COL9A1: variants seen among roughly 807,000 people sequenced by gnomAD.
COL9A1 encodes collagen type IX alpha 1 chain.
A neutral mutation model predicts 142.6 loss-of-function variants in COL9A1; 104 were observed. The observed-to-expected ratio is 0.73, with a 90% CI of 0.62 to 0.86. COL9A1 has a LOEUF of 0.86. COL9A1 is among the 40% of genes least tolerant of loss of function. The pLI is 0.00. For synonymous variants in COL9A1, 466 were observed against 396.0 expected (o/e 1.18, Z -2.10); for missense variants, 1,210 against 1,176.6 (o/e 1.03, Z -0.42).
intron 20 of COL9A1, among the ~76,000 whole-genome samples, chr6:70,259,217 A>T (rs1182298174): frequency 3.3e-5 from 5 of 152,226 alleles, no homozygotes; most frequent in African/African-American, 1.2e-4. Flanking sequence ...TTTTAAAAAG[A>T]AAAATTTAAT....
chr6:70,241,519 CT>C (rs1770259341), intron 30 of COL9A1, 65 bp from the exon 31 acceptor site: 1 of 1,369,262 alleles, frequency 7.3e-7, no homozygotes, highest in African/African-American at 1.4e-5. Context: ...TCAAGTGAAC[CT>C]TATTGGGTGG....
chr6:70,261,387 T>C (rs2025995), intron 19 of COL9A1, among the ~76,000 whole-genome samples: 1 of 151,930 alleles, frequency 6.6e-6, no homozygotes, highest in East Asian at 1.9e-4. Context: ...GCCCCCATAC[T>C]AGGAGGGATC....
In COL9A1 at chr6:70,274,082, C is replaced by G; in HGVS notation, c.1030G>C (p.Gly344Arg). 1 of 1,587,036 alleles carries G rather than the reference C, an allele frequency of 6.3e-7. No individual in the cohort carries two copies. Among genetic ancestry groups the G allele is most frequent in the Non-Finnish European group, 8.6e-7 (1 of 1,164,642 alleles). ...PGSIGSKGQK[G>R]EPGVPGSRGF... The stretch of plus-strand genomic sequence containing the variant: ...CGCGATCCAGGCACACCAGGTTCTC[C>G]CTAAAAATAAAAATAGTTTCATTGT... The change falls in exon 12 of 38, where the codon GGA becomes CGA. Residue 344 changes from glycine (G) to arginine (R), a missense_variant and splice_region_variant. Physicochemically the swap from Gly to Arg is moderately radical, Grantham distance 125. Transcript: ENST00000357250.
intron 15 of COL9A1, 48 bp downstream of exon 15, chr6:70,270,266 A>G: frequency 6.4e-7 from 1 of 1,574,304 alleles, no homozygotes; most frequent in Non-Finnish European, 8.7e-7. Context: ...ATTTTTTTCA[A>G]CCCTGACTCT....
intron 29 of COL9A1, among the ~76,000 whole-genome samples, chr6:70,242,414 G>C (rs772622857): frequency 6.6e-6 from 1 of 152,064 alleles, no homozygotes; most frequent in Non-Finnish European, 1.5e-5. Context: ...AGAACAACCA[G>C]AGGCCAAATG....
chr6:70,237,749 CA>C (rs1554234766), intron 33 of COL9A1, among the ~76,000 whole-genome samples: 1 of 152,166 alleles, frequency 6.6e-6, no homozygotes, highest in Non-Finnish European at 1.5e-5. Flanking sequence ...AATTCTTAGG[CA>C]TAAAAATGTT....
chr6:70,268,182 A>G (rs574610440), intron 17 of COL9A1, among the ~76,000 whole-genome samples: 3 of 150,598 alleles, frequency 2.0e-5, no homozygotes, highest in South Asian at 4.2e-4. Context: ...ACCCCCTCCA[A>G]CTGCCCCCAC....
intron 15 of COL9A1, 145 bp downstream of exon 15, chr6:70,270,169 C>G: frequency 1.3e-6 from 1 of 746,214 alleles, no homozygotes; most frequent in Non-Finnish European, 2.4e-6. Flanking sequence ...CAGAACCATG[C>G]CCTTGAGTGC....
intron 20 of COL9A1, among the ~76,000 whole-genome samples, chr6:70,259,123 C>A (rs552359385): frequency 1.8e-4 from 27 of 152,038 alleles, no homozygotes; most frequent in African/African-American, 5.3e-4. Context: ...CTAGAAGTGA[C>A]AAACAGCCTG....
Position 70,254,982 on chromosome 6 carries a change from G to A in COL9A1, c.1646C>T (p.Pro549Leu), listed in dbSNP as rs761923424. 6 of 1,614,092 alleles carry A rather than the reference G, an allele frequency of 3.7e-6. No homozygotes were observed. Among genetic ancestry groups the A allele is most frequent in the Non-Finnish European group, 4.2e-6 (5 of 1,179,996 alleles). ...LPGVDGRDGI[P>L]GMPGTKGEPG... ...GCCTACCTTTGTTCCAGGCATTCCA[G>A]GGATCCCATCACGGCCATCCACACC... Residue 549 changes from proline (P) to leucine (L), a missense_variant, in exon 24 of 38, where the codon CCT (proline) becomes CTT (leucine). By Grantham distance (98) the Pro-to-Leu change is moderately conservative. Coordinates refer to ENST00000357250, the MANE Select transcript of COL9A1 (RefSeq NM_001851.6).
intron 37 of COL9A1, among the ~76,000 whole-genome samples, chr6:70,220,139 GTCATCA>G (rs147934773): frequency 3.6e-4 from 54 of 151,106 alleles, no homozygotes; most frequent in African/African-American, 1.3e-3. Flanking sequence ...TTTTGATGAT[GTCATCA>G]TCATCATCAT....
At chr6:70,291,405 A>G (rs1274891481) in intron 5 of COL9A1, among the ~76,000 whole-genome samples, 2 of 152,000 alleles carry the variant, frequency 1.3e-5, no homozygotes, top group Non-Finnish European at 1.5e-5. Flanking sequence ...CCCCACTCTC[A>G]TGCCTCCCTG....
chr6:70,216,631 A>G lies in COL9A1; in HGVS notation c.*266T>C, dbSNP rs1064250. On this transcript the variant is annotated 3_prime_UTR_variant, in exon 38 of 38. Coordinates refer to ENST00000357250, the MANE Select transcript of COL9A1 (RefSeq NM_001851.6). ...ATCCTGGGAACAGGAGTATAAATTT[A>G]TTCAAGGGAGGTGTTTGGTTTTCTT... The G allele has an allele frequency of 0.39, 188,587 of 483,742 alleles. 38,744 individuals are homozygous for G. Among genetic ancestry groups the G allele is most frequent in the Middle Eastern group, 0.49 (828 of 1,702 alleles). The allele number at this position is 483,742 out of a possible 1,614,324, so 30.0% of individuals were successfully genotyped here. A position where few individuals can be genotyped will look rare whatever the true frequency, so the allele number is the denominator to read the frequency against.
chr6:70,215,477 A>G (rs769225748), downstream of COL9A1: 3 of 152,232 alleles, frequency 2.0e-5, no homozygotes, highest in African/African-American at 4.8e-5. Context: ...ATGTTGAGCT[A>G]TTGTTTTATG....
intron 15 of COL9A1, among the ~76,000 whole-genome samples, chr6:70,270,111 A>G (rs1772296764): frequency 6.6e-6 from 1 of 152,256 alleles, no homozygotes; most frequent in African/African-American, 2.4e-5. Flanking sequence ...TATACCCTAT[A>G]AAAACCACCT....
rs1050364230 is a variant in COL9A1 at position 70,267,319 on chromosome 6, G to GTTTTTTTT, written c.1288-550_1288-549insAAAAAAAA. ...TACATTTTTTGTTGTTGTTTGTTTG[G>GTTTTTTTT]TTTTTTTGTTTTTTTTTTTTGAGAT... On this transcript the variant is annotated intron_variant, in intron 17 of 37. Transcript: ENST00000357250. Among the ~76,000 whole-genome samples the GTTTTTTTT allele has an allele frequency of 9.6e-4, 96 of 99,678 alleles. 2 individuals carry two copies. The highest frequency in any genetic ancestry group is 5.6e-3 in the Middle Eastern group (1 of 180). 65.4% of individuals were successfully genotyped at this position (99,678 alleles called of 152,430 possible). A position where few individuals can be genotyped will look rare whatever the true frequency, so the allele number is the denominator to read the frequency against.
intron 32 of COL9A1, among the ~76,000 whole-genome samples, 190 bp downstream of exon 32, chr6:70,240,499 G>C (rs997912334): frequency 1.3e-5 from 2 of 151,634 alleles, no homozygotes; most frequent in East Asian, 3.9e-4. Flanking sequence ...TGCAATCTTG[G>C]GAGACTTTTG....
At chr6:70,275,598 T>C (rs977991497) in intron 10 of COL9A1, among the ~76,000 whole-genome samples, 3 of 152,136 alleles carry the variant, frequency 2.0e-5, no homozygotes, top group Non-Finnish European at 4.4e-5. Context: ...AAAACACGTA[T>C]TAAAGAATGA....
chr6:70,289,217 A>T (rs1433608573), intron 5 of COL9A1, among the ~76,000 whole-genome samples: 2 of 152,162 alleles, frequency 1.3e-5, no homozygotes, highest in Non-Finnish European at 2.9e-5. Context: ...AACCAAGCAG[A>T]GATTAACATG....
Sources: allele counts gnomAD v4.1 joint callset (sites outside exome capture counted in the v4.1 genomes callset), GRCh38; gene constraint gnomAD v4.1.1; transcripts MANE v1.5; gene names NCBI Gene and HGNC (gene_info 2026-07-23, HGNC 2026-07-21).